Variants in CSNK2A1 observed in about 807,000 individuals in gnomAD.
CSNK2A1 encodes casein kinase 2 alpha 1.
In CSNK2A1, 10 loss-of-function variants were observed where a neutral mutation model predicts 62.9. That is an observed-to-expected ratio of 0.16 (90% CI 0.10 to 0.27). CSNK2A1 has a LOEUF of 0.27. CSNK2A1 is among the 10% of genes least tolerant of loss of function. The pLI, the probability that CSNK2A1 is intolerant of heterozygous loss-of-function variation, is 1.00. For synonymous variants in CSNK2A1, 124 were observed against 167.8 expected, an observed-to-expected ratio of 0.74 and a Z score of 2.02; for missense variants, 160 against 492.0, an observed-to-expected ratio of 0.33 and a Z score of 6.38.
chr20:490,552 C>T (rs1414687336), intron 9 of CSNK2A1, among the ~76,000 whole-genome samples: 1 of 149,750 alleles, frequency 6.7e-6, no homozygotes, highest in African/African-American at 2.5e-5. Context: ...TACAAGCGCC[C>T]ACCACCGCGC....
rs111960269 is a variant in CSNK2A1 at position 499,566 on chromosome 20, C to A, written c.316-261G>T. ...CGACAATGCGCCCATCGCCCATCGGCATCGGACCTGAGTTTGCAAAATGGA... is the reference window on the plus strand; with the variant it reads ...CGACAATGCGCCCATCGCCCATCGGAATCGGACCTGAGTTTGCAAAATGGA... On this transcript the variant is annotated intron_variant, in intron 5 of 13. Coordinates refer to ENST00000217244, the MANE Select transcript of CSNK2A1 (RefSeq NM_177559.3). This position sits in a 1 kb window ranked among gnomAD's most constrained non-coding sequence, Gnocchi z 4.2. 60 of 555,104 alleles carry A rather than the reference C, an allele frequency of 1.1e-4. No individual in the cohort carries two copies. The African/African-American group carries it at 1.1e-3, about 10-fold the overall frequency. 34.4% of individuals were successfully genotyped at this position (555,104 alleles called of 1,614,324 possible).
chr20:497,008 G>C (rs2018359217), intron 7 of CSNK2A1, among the ~76,000 whole-genome samples: 2 of 152,018 alleles, frequency 1.3e-5, no homozygotes, highest in Admixed American at 1.3e-4. Flanking sequence ...ACTTACATAG[G>C]GGCCACAGAA....
chr20:508,212 A>T (rs955594402), intron 3 of CSNK2A1: 4 of 441,034 alleles, frequency 9.1e-6, no homozygotes, highest in Middle Eastern at 3.7e-4. Flanking sequence ...ATCATAGAAA[A>T]GGATAAGAAA....
chr20:531,068 GA>G (rs1178735803), intron 1 of CSNK2A1, among the ~76,000 whole-genome samples: 1 of 152,094 alleles, frequency 6.6e-6, no homozygotes, highest in African/African-American at 2.4e-5. Context: ...TGGGTGAAAA[GA>G]GTGAAATTCC....
At chr20:486,313 A>ACAAAGCT in intron 13 of CSNK2A1, 63 bp downstream of exon 13, 2 of 1,592,932 alleles carry the variant, frequency 1.3e-6, no homozygotes, top group Non-Finnish European at 1.7e-6. Flanking sequence ...AAATCAGACC[A>ACAAAGCT]CAAAGCTAAG....
chr20:499,352 G>C lies in CSNK2A1; in HGVS notation c.316-47C>G, dbSNP rs771444711. The C allele has an allele frequency of 1.9e-6, 3 of 1,574,060 alleles. No individual in the cohort carries two copies. The South Asian group carries it at 3.5e-5, about 18-fold the overall frequency. ...AAAAACACACATTAGCAATAGCCCT[G>C]ACAGCTTTAATGGGGACAATGTTTG... On this transcript the variant is annotated intron_variant, in intron 5 of 13. Coordinates refer to ENST00000217244, the MANE Select transcript of CSNK2A1 (RefSeq NM_177559.3). This position sits in a 1 kb window ranked among gnomAD's most constrained non-coding sequence, Gnocchi z 4.2.
intron 1 of CSNK2A1, among the ~76,000 whole-genome samples, chr20:530,711 G>A (rs2019195310): frequency 6.6e-6 from 1 of 152,096 alleles, no homozygotes. Context: ...CTGGATTCAA[G>A]CGATCATCCC....
chr20:542,582 G>A (rs1352690116), intron 1 of CSNK2A1, among the ~76,000 whole-genome samples: 1 of 152,110 alleles, frequency 6.6e-6, no homozygotes, highest in Non-Finnish European at 1.5e-5. Flanking sequence ...ACAGGCGCGC[G>A]CCACCAAGCC....
intron 4 of CSNK2A1, chr20:502,109 T>TTAGTGA (rs2018484159): frequency 6.6e-6 from 1 of 152,190 alleles, no homozygotes; most frequent in African/African-American, 2.4e-5. Flanking sequence ...TACTCGCCTG[T>TTAGTGA]TAGTGATTTA....
intron 2 of CSNK2A1, among the ~76,000 whole-genome samples, chr20:524,695 G>A (rs189821442): frequency 4.1e-5 from 5 of 121,008 alleles, no homozygotes; most frequent in South Asian, 5.4e-4. Flanking sequence ...CATGGGTGAC[G>A]GAGACTCCAT....
At chr20:543,644 C>T (rs1486871008) in intron 1 of CSNK2A1, 28 bp downstream of exon 1, 4 of 397,730 alleles carry the variant, frequency 1.0e-5, no homozygotes, top group Non-Finnish European at 1.8e-5. Context: ...CACCCGCCAA[C>T]GACCTCGCCT....
chr20:505,510 C>T (rs1298388414), intron 3 of CSNK2A1, among the ~76,000 whole-genome samples: 1 of 151,592 alleles, frequency 6.6e-6, no homozygotes, highest in Non-Finnish European at 1.5e-5. Context: ...CAGGCGCCTG[C>T]CACCATGCCC....
Position 473,331 on chromosome 20 carries a change from G to C in CSNK2A1, c.*10630C>G. 1 of 152,520 alleles carries C rather than the reference G, an allele frequency of 6.6e-6. No homozygotes were observed. The allele number at this position is 152,520 out of a possible 1,614,324, so 9.4% of individuals were successfully genotyped here. On this transcript the variant is annotated 3_prime_UTR_variant, in exon 14 of 14. Transcript: ENST00000217244. Reference sequence around the variant, plus strand: ...TCTGATCAAGTCTCAGTCTCTGTCAGGCCCTTTGTGTCTCTGATTTTGGGG... The same window carrying C: ...TCTGATCAAGTCTCAGTCTCTGTCACGCCCTTTGTGTCTCTGATTTTGGGG...
rs1167115887 is a variant in CSNK2A1, at chr20:508,500, G to A, written c.52C>T (p.His18Tyr). 6.2e-7 allele frequency: 1 copy of A among 1,614,042 alleles called. No homozygotes were observed. The highest frequency in any genetic ancestry group is 1.7e-5 in the Admixed American group (1 of 59,992). Residue 18 changes from histidine to tyrosine, a missense_variant, in exon 3 of 14, where the codon CAC becomes TAC. Coordinates refer to ENST00000217244, the MANE Select transcript of CSNK2A1 (RefSeq NM_177559.3). ...TAATCCCAGTATTCTCGAGGTCTGT[G>A]TGTATTAACATCTGTGTAAACTCTG... ...RARVYTDVNT[H>Y]RPREYWDYES...
intron 1 of CSNK2A1, among the ~76,000 whole-genome samples, chr20:534,720 T>G (rs2019277356): frequency 6.6e-6 from 1 of 152,016 alleles, no homozygotes; most frequent in Non-Finnish European, 1.5e-5. Flanking sequence ...GGTCCTTAGC[T>G]GTGGTGTTTA....
chr20:504,298 A>G (rs180929374), intron 4 of CSNK2A1: 5 of 152,234 alleles, frequency 3.3e-5, no homozygotes, highest in Non-Finnish European at 7.4e-5. Context: ...AATTAAAGAC[A>G]GTATAAGTGT....
chr20:491,393 A>G (rs1390237375), intron 9 of CSNK2A1, among the ~76,000 whole-genome samples: 2 of 152,200 alleles, frequency 1.3e-5, no homozygotes, highest in Admixed American at 6.5e-5. Context: ...CAGGATGGGC[A>G]TGGTGGCTCA....
At chr20:507,836 G>T (rs550313049) in intron 3 of CSNK2A1, 1 of 152,256 alleles carries the variant, frequency 6.6e-6, no homozygotes, top group South Asian at 2.1e-4. Context: ...AAGCTGATAG[G>T]TAACTTTTTG....
Position 519,668 on chromosome 20 carries a change from C to A in CSNK2A1, c.-110+8265G>T, listed in dbSNP as rs6084763. On this transcript the variant is annotated intron_variant, in intron 2 of 13. Transcript: ENST00000217244. ...ATGAAGCCAAGTAGTTTAATACCTGCAGTGTGCTGAAAAAAATAAATAGCC... is the reference window on the plus strand; with the variant it reads ...ATGAAGCCAAGTAGTTTAATACCTGAAGTGTGCTGAAAAAAATAAATAGCC... 6.8e-3 allele frequency among the ~76,000 whole-genome samples: 1,037 copies of A among 152,182 alleles called. 5 individuals carry two copies. The highest frequency in any genetic ancestry group is 9.4e-3 in the Non-Finnish European group (637 of 67,998).
Sources: gnomAD v4.1 joint callset for allele counts (sites outside exome capture counted in the v4.1 genomes callset) on GRCh38, gnomAD v4.1.1 for gene constraint, Gnocchi (gnomAD v3.1) non-coding constraint, MANE v1.5 for transcripts, NCBI Gene and HGNC (gene_info 2026-07-23, HGNC 2026-07-21) for gene names.